SGCG: variants seen among roughly 807,000 people sequenced by gnomAD.
The protein encoded by SGCG is gamma-sarcoglycan.
A neutral mutation model predicts 29.3 loss-of-function variants in SGCG; 26 were observed. The ratio of observed to expected loss-of-function variants is 0.89; its 90% CI spans 0.65 to 1.23. The LOEUF is 1.23. SGCG is among the 50% of genes most tolerant of loss of function. SGCG has a pLI of 0.00. For missense variants in SGCG, 353 were observed against 356.0 expected (o/e 0.99, Z 0.07); for synonymous variants, 145 against 129.7 (o/e 1.12, Z -0.80).
the SGCG span, among the ~76,000 whole-genome samples, chr13:23,170,863 T>C: frequency 6.6e-6 from 1 of 152,206 alleles, no homozygotes; most frequent in East Asian, 1.9e-4. Context: ...CTTCTCTGCC[T>C]TCAGCCTATG....
chr13:23,297,249 T>C (rs5023407), intron 6 of SGCG, among the ~76,000 whole-genome samples: 55,982 of 150,468 alleles, frequency 0.37, 10,979 homozygotes, highest in East Asian at 0.79. Context: ...TTTTTTGAGA[T>C]GGAATTTTGC....
At chr13:23,230,705 C>T (rs1234463465) in intron 2 of SGCG, among the ~76,000 whole-genome samples, 1 of 152,168 alleles carries the variant, frequency 6.6e-6, no homozygotes, top group East Asian at 1.9e-4. Flanking sequence ...GGGTTATTCT[C>T]AATATAGAAT....
At chr13:23,308,989 G>A (rs1357677855) in intron 6 of SGCG, among the ~76,000 whole-genome samples, 1 of 151,954 alleles carries the variant, frequency 6.6e-6, no homozygotes, top group African/African-American at 2.4e-5. Flanking sequence ...CATAAATATG[G>A]TATATCTCTC....
chr13:23,309,829 T>G (rs1283622929), intron 6 of SGCG, among the ~76,000 whole-genome samples: 5 of 152,208 alleles, frequency 3.3e-5, no homozygotes, highest in Non-Finnish European at 7.3e-5. Context: ...CTTCAATGTA[T>G]TTAATGAAGT....
chr13:23,251,926 T>C (rs545670149), intron 4 of SGCG, among the ~76,000 whole-genome samples: 1 of 152,304 alleles, frequency 6.6e-6, no homozygotes, highest in South Asian at 2.1e-4. Flanking sequence ...TAATGTTACA[T>C]GGGAAACTAC....
intron 4 of SGCG, among the ~76,000 whole-genome samples, chr13:23,251,992 A>G (rs1235219726): frequency 2.6e-5 from 4 of 152,156 alleles, no homozygotes; most frequent in Non-Finnish European, 5.9e-5. Flanking sequence ...GATGTTCTGT[A>G]CTTTATCCTC....
At chr13:23,278,268 A>T (rs1348324789) in intron 4 of SGCG, among the ~76,000 whole-genome samples, 2 of 151,692 alleles carry the variant, frequency 1.3e-5, no homozygotes, top group East Asian at 4.0e-4. Context: ...ATATAGTAAA[A>T]CCCCGTCTCT....
intron 1 of SGCG, among the ~76,000 whole-genome samples, chr13:23,191,550 T>C (rs2137480405): frequency 6.8e-6 from 1 of 147,890 alleles, no homozygotes; most frequent in South Asian, 2.3e-4. Context: ...TGGCCAGCAG[T>C]CCCCAGCTGT....
rs1023984636 is a variant in SGCG at position 23,252,615 on chromosome 13, C to A, written c.385+1898C>A. 3.3e-5 allele frequency among the ~76,000 whole-genome samples: 5 copies of A among 151,930 alleles called. No homozygotes were observed. The East Asian group carries it at 7.7e-4, about 23-fold the overall frequency. On this transcript the variant is annotated intron_variant, in intron 4 of 7. Coordinates refer to ENST00000218867, the MANE Select transcript of SGCG (RefSeq NM_000231.3). ...CTGAGGCAGGAGAATGGCGTGAACC[C>A]GGGAGGCGGAGCTTGCAGTGAGCCA...
At chr13:23,230,058 G>A (rs1167309791) in intron 2 of SGCG, among the ~76,000 whole-genome samples, 1 of 152,042 alleles carries the variant, frequency 6.6e-6, no homozygotes, top group African/African-American at 2.4e-5. Flanking sequence ...CCCTTTGCTT[G>A]TTCTTGTCAG....
chr13:23,233,835 G>T (rs1239366155), intron 2 of SGCG, among the ~76,000 whole-genome samples: 2 of 152,200 alleles, frequency 1.3e-5, no homozygotes, highest in Non-Finnish European at 2.9e-5. Flanking sequence ...GGGTAGGGAG[G>T]ACGAGCCTGT....
chr13:23,210,603 A>T (rs1878158290), intron 2 of SGCG, among the ~76,000 whole-genome samples: 1 of 152,158 alleles, frequency 6.6e-6, no homozygotes, highest in Non-Finnish European at 1.5e-5. Flanking sequence ...AAGCAAGAGA[A>T]TGCGGTGAAC....
At chr13:23,207,731 A>C (rs1878035750) in intron 2 of SGCG, among the ~76,000 whole-genome samples, 1 of 152,160 alleles carries the variant, frequency 6.6e-6, no homozygotes, top group Non-Finnish European at 1.5e-5. Context: ...GGGAAACGCA[A>C]ATCAAAACCA....
chr13:23,168,897 A>G, the SGCG span, among the ~76,000 whole-genome samples: 8,178 of 152,174 alleles, frequency 0.054, 577 homozygotes, highest in African/African-American at 0.17. Flanking sequence ...GAGGCATATT[A>G]CATTCAGTAA....
intron 2 of SGCG, among the ~76,000 whole-genome samples, chr13:23,211,080 T>C (rs1212684017): frequency 6.6e-6 from 1 of 152,222 alleles, no homozygotes; most frequent in African/African-American, 2.4e-5. Flanking sequence ...TGGAGGGTAC[T>C]GGCTTGGATT....
intron 6 of SGCG, among the ~76,000 whole-genome samples, chr13:23,314,382 T>TTTTATATATATATATATATA (rs1240016735): frequency 0.011 from 877 of 78,296 alleles, 16 homozygotes; most frequent in South Asian, 0.029. Flanking sequence ...CTGCTATAGG[T>TTTTATATATATATATATATA]TATATATATA....
Position 23,320,494 on chromosome 13 carries a change from G to C in SGCG, c.579-143G>C, listed in dbSNP as rs1332986386. The C allele has an allele frequency of 7.1e-6, 5 of 706,588 alleles. 1 individual carries two copies. The East Asian group carries it at 1.4e-4, about 20-fold the overall frequency. 43.8% of individuals were successfully genotyped at this position (706,588 alleles called of 1,614,324 possible). A position where few individuals can be genotyped will look rare whatever the true frequency, so the allele number is the denominator to read the frequency against. On this transcript the variant is annotated intron_variant, in intron 6 of 7. Transcript: ENST00000218867. ...ATTTCTAGATTTATCAATGAATAATGCACAATATGTTACCATTTGAGAATG... is the reference window on the plus strand; with the variant it reads ...ATTTCTAGATTTATCAATGAATAATCCACAATATGTTACCATTTGAGAATG...
intron 6 of SGCG, among the ~76,000 whole-genome samples, chr13:23,317,076 T>C (rs544974863): frequency 6.6e-6 from 1 of 152,152 alleles, no homozygotes; most frequent in Non-Finnish European, 1.5e-5. Flanking sequence ...GCACCTATAG[T>C]CCTAGCTACT....
At chr13:23,168,067 T>C in the SGCG span, among the ~76,000 whole-genome samples, 1 of 151,796 alleles carries the variant, frequency 6.6e-6, no homozygotes, top group African/African-American at 2.4e-5. Flanking sequence ...TGGATTATTA[T>C]ATTTTTTCCT....
Sources: gnomAD v4.1 joint callset for allele counts (sites outside exome capture counted in the v4.1 genomes callset) on GRCh38, gnomAD v4.1.1 for gene constraint, MANE v1.5 for transcripts, NCBI Gene and HGNC (gene_info 2026-07-23, HGNC 2026-07-21) for gene names.